Variants in FBN2 observed in about 807,000 individuals in gnomAD.
The protein encoded by FBN2 is fibrillin-2.
In FBN2, 105 loss-of-function variants were observed where a neutral mutation model predicts 355.6. That is an observed-to-expected ratio of 0.30 (90% CI 0.25 to 0.35). The LOEUF is 0.35. Among genes scored for constraint, FBN2 ranks in the 10% least tolerant of loss-of-function variants. The probability of loss-of-function intolerance (pLI) is 1.00; values close to 1 mark genes in which losing one functional copy is unlikely to be tolerated. For missense variants in FBN2, 3,280 were observed against 3,758.7 expected, an observed-to-expected ratio of 0.87 and a Z score of 3.33; for synonymous variants, 1,350 against 1,301.2, an observed-to-expected ratio of 1.04 and a Z score of -0.81.
chr5:128,449,427 A>G (rs1754173595), intron 6 of FBN2, among the ~76,000 whole-genome samples: 1 of 139,892 alleles, frequency 7.1e-6, no homozygotes, highest in South Asian at 2.2e-4. Context: ...ACTATATAAT[A>G]GTATACTGTA....
intron 5 of FBN2, among the ~76,000 whole-genome samples, chr5:128,466,491 C>A (rs1408273762): frequency 2.0e-5 from 3 of 152,102 alleles, no homozygotes; most frequent in Non-Finnish European, 4.4e-5. Context: ...ATTTAACATT[C>A]AAAATGCTAA....
intron 41 of FBN2, among the ~76,000 whole-genome samples, chr5:128,308,213 T>A (rs1268593941): frequency 6.6e-6 from 1 of 152,152 alleles, no homozygotes. Flanking sequence ...GTCTCTCAAC[T>A]CCAAGCCTTT....
At position 128,345,882 on chromosome 5, in the gene FBN2, G is replaced by A. The variant is rs468182; in HGVS notation, c.2990-298C>T. Among the ~76,000 whole-genome samples, 120,233 of 152,124 alleles carry A rather than the reference G, an allele frequency of 0.79. 47,794 individuals are homozygous for A. Among genetic ancestry groups the A allele is most frequent in the East Asian group, 0.93 (4,789 of 5,160 alleles). Reference sequence around the variant, plus strand: ...TTTTTGTATTGTTCACTTTAGAAAAGGTAAGATAATTTTAATGATAATTCT... The same window carrying A: ...TTTTTGTATTGTTCACTTTAGAAAAAGTAAGATAATTTTAATGATAATTCT... On this transcript the variant is annotated intron_variant, in intron 23 of 64. Coordinates refer to ENST00000262464, the MANE Select transcript of FBN2 (RefSeq NM_001999.4).
intron 55 of FBN2, 104 bp from the exon 56 acceptor site, chr5:128,280,421 T>A: frequency 1.2e-6 from 1 of 846,590 alleles, no homozygotes; most frequent in Admixed American, 1.9e-5. Context: ...TTTGCCAAAA[T>A]ACTAATATGA....
intron 42 of FBN2, 49 bp from the exon 43 acceptor site, chr5:128,305,997 C>T (rs774894622): frequency 1.9e-6 from 3 of 1,555,770 alleles, no homozygotes; most frequent in African/African-American, 1.4e-5. Flanking sequence ...GTTTAATATA[C>T]TTACCATATA....
intron 59 of FBN2, among the ~76,000 whole-genome samples, chr5:128,275,378 C>T (rs1765366582): frequency 6.6e-6 from 1 of 150,900 alleles, no homozygotes. Flanking sequence ...TACTCATAAA[C>T]AATGTACAAC....
intron 5 of FBN2, among the ~76,000 whole-genome samples, chr5:128,472,064 A>G (rs982963268): frequency 6.6e-6 from 1 of 152,146 alleles, no homozygotes; most frequent in African/African-American, 2.4e-5. Context: ...TTATCTACCC[A>G]TGTTCACAGC....
chr5:128,329,165 G>A (rs905375825), intron 33 of FBN2, among the ~76,000 whole-genome samples: 3 of 151,824 alleles, frequency 2.0e-5, no homozygotes, highest in African/African-American at 7.3e-5. Context: ...AAAGAACATT[G>A]GAATTAATCT....
rs1245460174 is a variant in FBN2 at position 128,349,340 on chromosome 5, A to C, written c.2989+7T>G. ...ATACATAGAATACATGAGGGTGTGA[A>C]TCTTACCCAAACATACACGGCCAGT... On this transcript the variant is annotated splice_region_variant and intron_variant, in intron 23 of 64. Transcript: ENST00000262464. 6.2e-7 allele frequency: 1 copy of C among 1,614,050 alleles called. No individual in the cohort carries two copies. The highest frequency in any genetic ancestry group is 1.7e-5 in the Admixed American group (1 of 60,004).
intron 31 of FBN2, among the ~76,000 whole-genome samples, chr5:128,334,070 G>A (rs562510391): frequency 2.6e-5 from 4 of 151,850 alleles, no homozygotes; most frequent in Non-Finnish European, 5.9e-5. Context: ...CCTTGACCCC[G>A]GCACATCCTA....
chr5:128,357,305 T>G lies in FBN2; in HGVS notation c.2645A>C (p.Lys882Thr), dbSNP rs1168151418. The change falls in exon 20 of 65, where the codon AAA becomes ACA. Residue 882 changes from lysine (K) to threonine (T), a missense_variant. Around this residue, in one of 6 missense-constraint regions of FBN2, gnomAD observed 2,284 missense variants for 2,749.5 expected, o/e 0.83. Coordinates refer to ENST00000262464, the MANE Select transcript of FBN2 (RefSeq NM_001999.4). ...ACAGATCAATCCTGTGGAGCTGAGT[T>G]TGCTGCCGGGCGAACATTCACAATT... ...SFNCECSPGSKLSSTGLICID... is the reference protein window; with the variant it reads ...SFNCECSPGSTLSSTGLICID... The G allele has an allele frequency of 6.2e-7, 1 of 1,613,872 alleles. No homozygotes were observed. Among genetic ancestry groups the G allele is most frequent in the Non-Finnish European group, 8.5e-7 (1 of 1,179,878 alleles).
intron 3 of FBN2, among the ~76,000 whole-genome samples, chr5:128,529,361 A>G (rs1367766558): frequency 6.6e-6 from 1 of 152,208 alleles, no homozygotes; most frequent in Non-Finnish European, 1.5e-5. Flanking sequence ...GGCCACTGGC[A>G]TTTTAAAAGT....
At chr5:128,329,488 C>T (rs1750635919) in intron 33 of FBN2, among the ~76,000 whole-genome samples, 1 of 152,124 alleles carries the variant, frequency 6.6e-6, no homozygotes, top group Non-Finnish European at 1.5e-5. Flanking sequence ...CACCAATCTC[C>T]TGAGGTTTAG....
intron 3 of FBN2, among the ~76,000 whole-genome samples, chr5:128,529,571 G>C (rs1310591467): frequency 6.6e-6 from 1 of 152,164 alleles, no homozygotes; most frequent in East Asian, 1.9e-4. Context: ...GTGGACCAGA[G>C]AATGTCCCAG....
At chr5:128,364,533 A>G in intron 18 of FBN2, 67 bp downstream of exon 18, 5 of 1,492,378 alleles carry the variant, frequency 3.4e-6, no homozygotes, top group Non-Finnish European at 1.9e-6. Flanking sequence ...TGTGTTTTTA[A>G]TTCTAATATA....
chr5:128,500,499 G>A (rs1581351628), intron 5 of FBN2, among the ~76,000 whole-genome samples: 1 of 134,266 alleles, frequency 7.4e-6, no homozygotes, highest in East Asian at 2.2e-4. Context: ...CCGGACTGCT[G>A]TGGCGCGATC....
intron 8 of FBN2, among the ~76,000 whole-genome samples, chr5:128,402,576 T>G (rs1179235224): frequency 6.6e-6 from 1 of 152,234 alleles, no homozygotes; most frequent in Non-Finnish European, 1.5e-5. Flanking sequence ...TACAATGTGA[T>G]GAAAACTTGG....
chr5:128,434,778 C>A (rs1032840067), intron 7 of FBN2, among the ~76,000 whole-genome samples: 2 of 151,988 alleles, frequency 1.3e-5, no homozygotes, highest in African/African-American at 4.8e-5. Context: ...ATTTATCGAG[C>A]AATTTTTTAG....
At chr5:128,310,400 ATATTTTTTTT>A (rs1316466901) in intron 39 of FBN2, among the ~76,000 whole-genome samples, 420 of 12,972 alleles carry the variant, frequency 0.032, no homozygotes, top group Middle Eastern at 0.091. Flanking sequence ...ATATATATAT[ATATTTTTTTT>A]TTTTTTTTTT....
Sources: allele counts gnomAD v4.1 joint callset (sites outside exome capture counted in the v4.1 genomes callset), GRCh38; gene constraint gnomAD v4.1.1; regional missense constraint gnomAD v4.1.1; transcripts MANE v1.5; gene names NCBI Gene and HGNC (gene_info 2026-07-23, HGNC 2026-07-21).